Variants in NFX1 observed in about 807,000 individuals in gnomAD.
NFX1 encodes the protein nuclear transcription factor, X-box binding 1, also known as transcriptional repressor NF-X1.
NFX1 carries 69 observed loss-of-function variants against 137.2 expected under a neutral mutation model. The ratio of observed to expected loss-of-function variants is 0.50; its 90% CI spans 0.41 to 0.61. NFX1 has a LOEUF of 0.61. Among genes scored for constraint, NFX1 ranks in the 20% least tolerant of loss-of-function variants. The pLI, the probability that NFX1 is intolerant of heterozygous loss-of-function variation, is 0.00. For missense variants in NFX1, 1,167 were observed against 1,391.0 expected (o/e 0.84, Z 2.56); for synonymous variants, 495 against 474.1 (o/e 1.04, Z -0.57).
Position 33,334,713 on chromosome 9 carries a change from G to A in NFX1, c.2035+2211G>A, listed in dbSNP as rs540329722. The stretch of plus-strand genomic sequence containing the variant: ...TTTCCCTCACTAATATCTCAAAGAC[G>A]TATTTCCATGTCAGTATGCATAACT... On this transcript the variant is annotated intron_variant, in intron 11 of 23. Transcript: ENST00000379540. Among the ~76,000 whole-genome samples the A allele has an allele frequency of 9.5e-4, 144 of 152,260 alleles. 1 individual carries two copies. The highest frequency in any genetic ancestry group is 3.3e-3 in the African/African-American group (138 of 41,564).
intron 16 of NFX1, 33 bp downstream of exon 16, chr9:33,351,823 CTGT>C: frequency 1.3e-6 from 2 of 1,517,830 alleles, no homozygotes; most frequent in Middle Eastern, 1.8e-4. Context: ...GCAGCATTGA[CTGT>C]AGTTCTGAGG....
chr9:33,308,241 A>G (rs572284676), intron 5 of NFX1, among the ~76,000 whole-genome samples: 2 of 152,310 alleles, frequency 1.3e-5, no homozygotes, highest in East Asian at 1.9e-4. Flanking sequence ...CAGGAGTTCT[A>G]GACCAGACTA....
chr9:33,344,522 C>T (rs1005468688), intron 14 of NFX1, among the ~76,000 whole-genome samples: 3 of 152,116 alleles, frequency 2.0e-5, no homozygotes, highest in Non-Finnish European at 2.9e-5. Context: ...TTAAAAGTGA[C>T]TTTTTTGTTG....
chr9:33,306,938 A>T (rs117879808), intron 4 of NFX1, among the ~76,000 whole-genome samples: 2,294 of 152,272 alleles, frequency 0.015, 36 homozygotes, highest in Middle Eastern at 0.027. Context: ...TCAAGATAGT[A>T]TTTTCGTAAG....
At chr9:33,309,151 A>G (rs542295537) in intron 5 of NFX1, among the ~76,000 whole-genome samples, 5 of 152,242 alleles carry the variant, frequency 3.3e-5, no homozygotes, top group Non-Finnish European at 5.9e-5. Flanking sequence ...AGGCCAGGAG[A>G]TCGAGACCAT....
Position 33,363,990 on chromosome 9 carries a change from T to A in NFX1, c.2874-20T>A, listed in dbSNP as rs749960266. The A allele has an allele frequency of 1.9e-5, 29 of 1,520,994 alleles. No individual in the cohort carries two copies. Among genetic ancestry groups the A allele is most frequent in the Admixed American group, 8.2e-5 (4 of 48,508 alleles). The allele number at this position is 1,520,994 out of a possible 1,614,324, so 94.2% of individuals were successfully genotyped here. ...TTCCCTCCCACTCCTTTTATTTGCA[T>A]ACCTCTCTCTCTCTTTCAGGAGATT... On this transcript the variant is annotated intron_variant, in intron 19 of 23. Transcript: ENST00000379540.
intron 4 of NFX1, among the ~76,000 whole-genome samples, chr9:33,306,354 G>A (rs2118267609): frequency 6.6e-6 from 1 of 152,344 alleles, no homozygotes; most frequent in South Asian, 2.1e-4. Context: ...GATAAAGCCA[G>A]TTTGAGGTGA....
chr9:33,309,340 G>A (rs914587055), intron 5 of NFX1, among the ~76,000 whole-genome samples: 1 of 144,856 alleles, frequency 6.9e-6, no homozygotes, highest in Non-Finnish European at 1.5e-5. Context: ...CTGGGCTACA[G>A]AGCAAGACTC....
In NFX1 at chr9:33,303,280, T is replaced by C. The variant is rs1821639046; in HGVS notation, c.1270+12T>C. ...CACTTGTTTCTGTGGTAAGTTTGTTTATATACACTGGAGTCTCTTTTACTA... is the reference window on the plus strand; with the variant it reads ...CACTTGTTTCTGTGGTAAGTTTGTTCATATACACTGGAGTCTCTTTTACTA... On this transcript the variant is annotated intron_variant, in intron 4 of 23. Transcript: ENST00000379540. The C allele has an allele frequency of 1.9e-6, 3 of 1,609,860 alleles. No homozygotes were observed. Among genetic ancestry groups the C allele is most frequent in the Non-Finnish European group, 2.6e-6 (3 of 1,176,096 alleles).
chr9:33,360,876 C>T lies in NFX1; in HGVS notation c.2874-3134C>T, dbSNP rs551562073. 4.3e-4 allele frequency among the ~76,000 whole-genome samples: 66 copies of T among 152,242 alleles called. 1 individual carries two copies. The highest frequency in any genetic ancestry group is 1.5e-3 in the African/African-American group (64 of 41,528). ...GAACCAGATTCTTGTGGGCACTAAGCTTGTAAGTGACTCTTGGTGCAGTGT... is the reference window on the plus strand; with the variant it reads ...GAACCAGATTCTTGTGGGCACTAAGTTTGTAAGTGACTCTTGGTGCAGTGT... On this transcript the variant is annotated intron_variant, in intron 19 of 23. Transcript: ENST00000379540.
chr9:33,293,954 G>GATC (rs1258691081), intron 1 of NFX1, among the ~76,000 whole-genome samples: 1 of 152,194 alleles, frequency 6.6e-6, no homozygotes, highest in Non-Finnish European at 1.5e-5. Context: ...GCAGGCACGT[G>GATC]ATATCCCTAA....
chr9:33,363,572 C>A (rs1450505107), intron 19 of NFX1, among the ~76,000 whole-genome samples: 1 of 152,114 alleles, frequency 6.6e-6, no homozygotes, highest in Non-Finnish European at 1.5e-5. Context: ...GTGTGAGCCA[C>A]CGCACCCAGC....
intron 23 of NFX1, among the ~76,000 whole-genome samples, 192 bp downstream of exon 23, chr9:33,367,811 G>A (rs1824213674): frequency 6.6e-6 from 1 of 152,212 alleles, no homozygotes. Context: ...TAAGTTTGTT[G>A]TTTGTAGTGC....
Position 33,309,139 on chromosome 9 carries a change from C to T in NFX1, c.1376+1840C>T, listed in dbSNP as rs556652987. 2.2e-4 allele frequency among the ~76,000 whole-genome samples: 34 copies of T among 152,230 alleles called. 2 individuals carry two copies. In the South Asian group the frequency reaches 6.2e-3, roughly 28 times the overall value. ...TTGGGAGGCCAAGGCGGGTGGATCACGAGGCCAGGAGATCGAGACCATCCT... is the reference window on the plus strand; with the variant it reads ...TTGGGAGGCCAAGGCGGGTGGATCATGAGGCCAGGAGATCGAGACCATCCT... On this transcript the variant is annotated intron_variant, in intron 5 of 23. Coordinates refer to ENST00000379540, the MANE Select transcript of NFX1 (RefSeq NM_002504.6).
At chr9:33,352,277 T>G (rs1046379682) in intron 16 of NFX1, 11 of 397,846 alleles carry the variant, frequency 2.8e-5, no homozygotes, top group Non-Finnish European at 5.4e-5. Flanking sequence ...AGGTTAAGCC[T>G]GGTCTAAAGG....
chr9:33,364,467 C>T (rs1161385967), intron 20 of NFX1, among the ~76,000 whole-genome samples: 1 of 152,192 alleles, frequency 6.6e-6, no homozygotes, highest in Non-Finnish European at 1.5e-5. Context: ...TATAACAGCT[C>T]TTATTTTTCT....
rs530784044 is a variant in NFX1, at chr9:33,367,496, G to A, written c.3186-19G>A. On this transcript the variant is annotated intron_variant, in intron 22 of 23. Transcript: ENST00000379540. ...AACAATTCTCACTTTTCAATGCTTGGTGTTTTGACTTTTATCAGGGGGAAG... is the reference window on the plus strand; with the variant it reads ...AACAATTCTCACTTTTCAATGCTTGATGTTTTGACTTTTATCAGGGGGAAG... The A allele has an allele frequency of 6.8e-6, 11 of 1,611,090 alleles. No individual in the cohort carries two copies. The East Asian group carries it at 1.6e-4, about 23-fold the overall frequency.
intron 19 of NFX1, among the ~76,000 whole-genome samples, chr9:33,355,968 C>T (rs1823797053): frequency 6.6e-6 from 1 of 152,074 alleles, no homozygotes; most frequent in African/African-American, 2.4e-5. Context: ...AACTTGCTTG[C>T]TCTATATTTC....
intron 6 of NFX1, 127 bp from the exon 7 acceptor site, chr9:33,313,527 T>A: frequency 1.1e-5 from 8 of 760,410 alleles, no homozygotes; most frequent in East Asian, 8.0e-5. Flanking sequence ...TAGGAAAAAG[T>A]GAGGGAAATG....
Sources: gnomAD v4.1 joint callset for allele counts (sites outside exome capture counted in the v4.1 genomes callset) on GRCh38, gnomAD v4.1.1 for gene constraint, MANE v1.5 for transcripts, NCBI Gene and HGNC (gene_info 2026-07-23, HGNC 2026-07-21) for gene names.